The following EPX variants were observed in gnomAD, a reference collection of about 807,000 sequenced individuals.
EPX encodes the protein eosinophil peroxidase.
Under a neutral mutation model 73.0 loss-of-function variants are expected in EPX, and 60 were observed. The ratio of observed to expected loss-of-function variants is 0.82; its 90% CI spans 0.67 to 1.02. EPX has a LOEUF of 1.02. Ranked by LOEUF, EPX falls within the 50% of genes least tolerant of loss-of-function variation. The pLI is 0.00. For synonymous variants in EPX, 347 were observed against 389.2 expected (o/e 0.89, Z 1.28); for missense variants, 950 against 973.9 (o/e 0.98, Z 0.33).
At chr17:58,192,969 G>T in intron 1 of EPX, 47 bp downstream of exon 1, 1 of 1,603,062 alleles carries the variant, frequency 6.2e-7, no homozygotes, top group African/African-American at 1.3e-5. Flanking sequence ...GAAATGGAAG[G>T]GGAAGCACTT....
intron 3 of EPX, 70 bp downstream of exon 3, chr17:58,193,616 G>A (rs1968209726): frequency 1.3e-6 from 2 of 1,577,922 alleles, no homozygotes; most frequent in Non-Finnish European, 1.7e-6. Context: ...GGAGAGGGAG[G>A]CAGGGTGCAC....
chr17:58,195,938 C>T (rs978100388), intron 6 of EPX, among the ~76,000 whole-genome samples: 1 of 150,106 alleles, frequency 6.7e-6, no homozygotes, highest in Non-Finnish European at 1.5e-5. Flanking sequence ...TCTCCTCTCT[C>T]TCCTTCCTTC....
chr17:58,199,056 G>T lies in EPX; in HGVS notation c.1137G>T (p.Thr379=), dbSNP rs753243977. 6.2e-7 allele frequency: 1 copy of T among 1,613,862 alleles called. No homozygotes were observed. The highest frequency in any genetic ancestry group is 1.6e-4 in the Middle Eastern group (1 of 6,062). ...PCFLAGDTRS[T]ETPKLAAMHT... Reference sequence around the variant, plus strand: ...GTTTTCAAGGTGACACCCGATCAACGGAAACCCCCAAACTGGCAGCCATGC... The same window carrying T: ...GTTTTCAAGGTGACACCCGATCAACTGAAACCCCCAAACTGGCAGCCATGC... The change falls in exon 8 of 13, where the codon ACG becomes ACT. Residue 379 remains threonine, a synonymous_variant. Transcript: ENST00000225371.
chr17:58,199,116 C>T lies in EPX; in HGVS notation c.1197C>T (p.Ala399=). 6.2e-7 allele frequency: 1 copy of T among 1,614,096 alleles called. No homozygotes were observed. ...TLFMREHNRL[A]TELRRLNPRW... ...TTATGCGAGAGCACAACCGGCTGGC[C>T]ACCGAGCTGAGACGCCTGAATCCCC... The change falls in exon 8 of 13, where the codon GCC becomes GCT. Residue 399 remains alanine, a synonymous_variant. Transcript: ENST00000225371.
chr17:58,199,384 C>T (rs1352485050), intron 8 of EPX, among the ~76,000 whole-genome samples, 155 bp from the exon 9 acceptor site: 1 of 152,210 alleles, frequency 6.6e-6, no homozygotes, highest in Non-Finnish European at 1.5e-5. Flanking sequence ...TGTCACTCAC[C>T]CTCTCTGGGC....
At chr17:58,193,172 A>G in intron 2 of EPX, 41 bp downstream of exon 2, 1 of 1,436,248 alleles carries the variant, frequency 7.0e-7, no homozygotes, top group South Asian at 1.1e-5. Context: ...TGGGAGGATC[A>G]GTGAGGGGCA....
At chr17:58,203,348 C>A in intron 11 of EPX, 30 bp downstream of exon 11, 2 of 1,422,266 alleles carry the variant, frequency 1.4e-6, no homozygotes, top group Non-Finnish European at 2.0e-6. Context: ...AAGACATCAG[C>A]ACCAGAGGCA....
intron 8 of EPX, 79 bp downstream of exon 8, chr17:58,199,279 G>A (rs1200076090): frequency 1.3e-6 from 2 of 1,500,516 alleles, no homozygotes; most frequent in Admixed American, 1.8e-5. Flanking sequence ...CCTTGCGGAT[G>A]TGCCTAAAAC....
At position 58,193,556 on chromosome 17, in the gene EPX, T is replaced by TC. The variant is rs372123210; in HGVS notation, c.346+14dup. The TC allele has an allele frequency of 9.3e-6, 15 of 1,613,506 alleles. No homozygotes were observed. Among genetic ancestry groups the TC allele is most frequent in the South Asian group, 5.5e-5 (5 of 91,064 alleles). On this transcript the variant is annotated intron_variant, in intron 3 of 12. Transcript: ENST00000225371. Reference sequence around the variant, plus strand: ...CCCTTCAATGTCACTGGTACTCTGATCCCCACTGAGCCCGCTGGGCCTACC... The same window carrying TC: ...CCCTTCAATGTCACTGGTACTCTGATCCCCCACTGAGCCCGCTGGGCCTACC...
At position 58,192,809 on chromosome 17, in the gene EPX, G is replaced by A. The variant is rs1299430739; in HGVS notation, c.-38G>A. The A allele has an allele frequency of 1.3e-6, 2 of 1,582,976 alleles. No individual in the cohort carries two copies. The highest frequency in any genetic ancestry group is 2.3e-5 in the East Asian group (1 of 44,174). On this transcript the variant is annotated 5_prime_UTR_variant, in exon 1 of 13. The change abolishes an upstream ATG in the 5' untranslated region. Transcript: ENST00000225371. Reference sequence around the variant, plus strand: ...GGATCCTCCCGTGCAGGCTGTGGATGTCACTCACTTCCCAGCTGGTGAAGC... The same window carrying A: ...GGATCCTCCCGTGCAGGCTGTGGATATCACTCACTTCCCAGCTGGTGAAGC...
At chr17:58,193,256 C>T (rs1968203426) in intron 2 of EPX, 115 bp from the exon 3 acceptor site, 2 of 1,254,840 alleles carry the variant, frequency 1.6e-6, no homozygotes, top group Non-Finnish European at 2.3e-6. Flanking sequence ...GGTAGAGCCT[C>T]CCTTCCATCC....
At chr17:58,193,621 G>A in intron 3 of EPX, 75 bp downstream of exon 3, 1 of 1,575,834 alleles carries the variant, frequency 6.3e-7, no homozygotes, top group South Asian at 1.1e-5. Flanking sequence ...GGGAGGCAGG[G>A]TGCACAGGTT....
intron 9 of EPX, 151 bp downstream of exon 9, chr17:58,199,945 A>G: frequency 1.1e-6 from 1 of 890,284 alleles, no homozygotes; most frequent in South Asian, 1.7e-5. Flanking sequence ...GGTGCCAGCA[A>G]GACCCTCAGT....
chr17:58,199,518 T>C, intron 8 of EPX, 21 bp from the exon 9 acceptor site: 1 of 1,613,968 alleles, frequency 6.2e-7, no homozygotes, highest in Non-Finnish European at 8.5e-7. Flanking sequence ...TGGGGAATGT[T>C]CCTCCTGTCT....
intron 2 of EPX, 24 bp downstream of exon 2, chr17:58,193,155 A>T: frequency 6.5e-7 from 1 of 1,537,080 alleles, no homozygotes; most frequent in Admixed American, 1.7e-5. Context: ...TGGGGGCTGC[A>T]TGGGCCTGGG....
intron 6 of EPX, among the ~76,000 whole-genome samples, chr17:58,195,476 C>T (rs1407287968): frequency 4.6e-5 from 7 of 152,210 alleles, no homozygotes; most frequent in Non-Finnish European, 1.0e-4. Flanking sequence ...CTGCTTTTGG[C>T]AACCTAAGGG....
In EPX at chr17:58,203,310, C is replaced by CG; in HGVS notation, c.1940dup (p.Asp648ArgfsTer30). On this transcript the variant is annotated frameshift_variant, in exon 11 of 13. Transcript: ENST00000225371. LOFTEE classifies it high-confidence loss of function. ...AGAACCAGTTCAGAAGAGCCCGAGA[C>CG]GGAGACAGGTAAGTGACCCTATCAT... The CG allele has an allele frequency of 6.2e-7, 1 of 1,609,954 alleles. No individual in the cohort carries two copies. Among genetic ancestry groups the CG allele is most frequent in the South Asian group, 1.1e-5 (1 of 91,008 alleles).
Position 58,196,844 on chromosome 17 carries a change from G to T in EPX, c.802-95G>T. On this transcript the variant is annotated intron_variant, in intron 6 of 12. Transcript: ENST00000225371. ...AAGGAGGGCTTCCTGGAGGAAGGGA[G>T]TTTTAAGCAAGGTTTTGAGGAGGTG... 3 of 1,030,794 alleles carry T rather than the reference G, an allele frequency of 2.9e-6. No individual in the cohort carries two copies. The East Asian group carries it at 7.1e-5, about 24-fold the overall frequency. 63.9% of individuals were successfully genotyped at this position (1,030,794 alleles called of 1,614,324 possible).
At chr17:58,197,710 C>A (rs1390539530) in intron 7 of EPX, among the ~76,000 whole-genome samples, 1 of 152,076 alleles carries the variant, frequency 6.6e-6, no homozygotes, top group East Asian at 1.9e-4. Flanking sequence ...CCTCCCTGTC[C>A]CCAGCTGTTG....
Sources: gnomAD v4.1 joint callset for allele counts (sites outside exome capture counted in the v4.1 genomes callset) on GRCh38, gnomAD v4.1.1 for gene constraint, MANE v1.5 for transcripts, NCBI Gene and HGNC (gene_info 2026-07-23, HGNC 2026-07-21) for gene names.